FAAH2: variants seen among roughly 807,000 people sequenced by gnomAD.
The protein encoded by FAAH2 is fatty acid amide hydrolase 2.
In FAAH2, 60 loss-of-function variants were observed where a neutral mutation model predicts 36.9. The observed-to-expected ratio is 1.63, with a 90% CI of 1.32 to 2.02. The LOEUF (loss-of-function observed/expected upper bound fraction) is 2.02. Among genes scored for constraint, FAAH2 ranks in the 30% most tolerant of loss-of-function variants. The probability of loss-of-function intolerance (pLI) is 0.00; values close to 1 mark genes in which losing one functional copy is unlikely to be tolerated. For missense variants in FAAH2, 689 were observed against 397.5 expected (o/e 1.73, Z -6.23); for synonymous variants, 214 against 143.8 (o/e 1.49, Z -3.49).
intron 4 of FAAH2, among the ~76,000 whole-genome samples, chrX:57,334,195 G>A (rs1481001144): frequency 4.7e-5 from 5 of 107,458 alleles, no homozygotes; most frequent in Non-Finnish European, 7.7e-5. Flanking sequence ...GCTTGAACTC[G>A]AGAGGTGGAG....
At chrX:57,237,850 G>A in the FAAH2 span, among the ~76,000 whole-genome samples, 2 of 110,822 alleles carry the variant, frequency 1.8e-5, no homozygotes, top group Non-Finnish European at 3.8e-5. Context: ...GACATGAACA[G>A]ACACTTTTCA....
At chrX:57,137,187 G>A in the FAAH2 span, 31 of 759,470 alleles carry the variant, frequency 4.1e-5, no homozygotes, top group African/African-American at 6.5e-4. Flanking sequence ...CCATTCTGGC[G>A]CCCACTAATG....
At chrX:57,161,087 A>G in the FAAH2 span, among the ~76,000 whole-genome samples, 2 of 112,093 alleles carry the variant, frequency 1.8e-5, no homozygotes, top group African/African-American at 6.5e-5. Flanking sequence ...TTCAAAGAAC[A>G]TCTTTATTTC....
chrX:57,230,792 G>C, the FAAH2 span, among the ~76,000 whole-genome samples: 1 of 111,179 alleles, frequency 9.0e-6, no homozygotes, highest in South Asian at 3.7e-4. Context: ...CTTTTGGCTT[G>C]ACTTTGATTT....
At chrX:57,231,034 A>AATGTGTGTGT in the FAAH2 span, among the ~76,000 whole-genome samples, 1 of 94,459 alleles carries the variant, frequency 1.1e-5, no homozygotes, top group African/African-American at 4.0e-5. Flanking sequence ...CTCCAAAGGA[A>AATGTGTGTGT]GTGTGTGTGT....
chrX:57,232,254 T>A, the FAAH2 span, among the ~76,000 whole-genome samples: 1 of 111,639 alleles, frequency 9.0e-6, no homozygotes, highest in Admixed American at 9.5e-5. Flanking sequence ...GTTGTGTAGA[T>A]CATGAAGATT....
At chrX:57,253,490 A>G in the FAAH2 span, among the ~76,000 whole-genome samples, 37 of 111,801 alleles carry the variant, frequency 3.3e-4, no homozygotes, top group Non-Finnish European at 5.6e-5. Context: ...GGTAAAAATG[A>G]AGGAAAAAAT....
At chrX:57,186,652 A>G in the FAAH2 span, among the ~76,000 whole-genome samples, 1 of 111,690 alleles carries the variant, frequency 9.0e-6, no homozygotes, top group Non-Finnish European at 1.9e-5. Context: ...TTATTTGCTG[A>G]ATGATATTGC....
chrX:57,452,038 T>C (rs758624063), intron 10 of FAAH2: 47 of 287,093 alleles, frequency 1.6e-4, no homozygotes, highest in Non-Finnish European at 2.2e-4. Flanking sequence ...CTATATGTCA[T>C]AATAATTGGG....
intron 5 of FAAH2, among the ~76,000 whole-genome samples, chrX:57,374,260 T>C (rs2054617316): frequency 8.9e-6 from 1 of 111,848 alleles, no homozygotes; most frequent in African/African-American, 3.2e-5. Context: ...ATGATCATGG[T>C]ATTTTAATGG....
intron 2 of FAAH2, among the ~76,000 whole-genome samples, chrX:57,306,739 TAC>T (rs1569245219): frequency 1.4e-4 from 13 of 94,357 alleles, no homozygotes; most frequent in South Asian, 5.3e-4. Context: ...TGTATATATA[TAC>T]ACACACACTA....
chrX:57,193,737 G>T, the FAAH2 span, among the ~76,000 whole-genome samples: 1 of 111,866 alleles, frequency 8.9e-6, no homozygotes, highest in East Asian at 2.8e-4. Context: ...TTATTATGAA[G>T]GGAGATTGAA....
intron 7 of FAAH2, among the ~76,000 whole-genome samples, chrX:57,421,735 G>T (rs2056035000): frequency 8.9e-6 from 1 of 112,039 alleles, no homozygotes; most frequent in South Asian, 3.7e-4. Flanking sequence ...GTCCGTAGGA[G>T]TGAAAATGTG....
At chrX:57,342,566 A>T (rs1399940969) in intron 5 of FAAH2, among the ~76,000 whole-genome samples, 2 of 111,787 alleles carry the variant, frequency 1.8e-5, no homozygotes, top group Non-Finnish European at 3.8e-5. Flanking sequence ...TTAAAGAATT[A>T]CGCACAAAAA....
chrX:57,281,188 A>T, the FAAH2 span, among the ~76,000 whole-genome samples: 1 of 111,734 alleles, frequency 8.9e-6, no homozygotes, highest in Non-Finnish European at 1.9e-5. Context: ...GGATGTTACC[A>T]TTGGGGGAAA....
chrX:57,292,686 T>C, intron 2 of FAAH2, 106 bp downstream of exon 2: 2 of 594,664 alleles, frequency 3.4e-6, no homozygotes, highest in Non-Finnish European at 5.1e-6. Flanking sequence ...CTCTTTGTCC[T>C]TCCCTTGTTC....
chrX:57,201,431 T>TAA, the FAAH2 span, among the ~76,000 whole-genome samples: 46 of 100,187 alleles, frequency 4.6e-4, no homozygotes, highest in African/African-American at 1.5e-3. Context: ...TTTTACTCCA[T>TAA]AAAAAAAAAA....
At chrX:57,346,204 C>T (rs991809196) in intron 5 of FAAH2, among the ~76,000 whole-genome samples, 29 of 111,263 alleles carry the variant, frequency 2.6e-4, no homozygotes, top group African/African-American at 9.5e-4. Context: ...AAAGATCTGT[C>T]TAAGGCTGTC....
At chrX:57,323,558 T>A (rs550690758) in intron 3 of FAAH2, among the ~76,000 whole-genome samples, 2 of 112,048 alleles carry the variant, frequency 1.8e-5, no homozygotes, top group African/African-American at 6.5e-5. Flanking sequence ...TCATTGTGGT[T>A]TTGATTTGCA....
Sources: allele counts gnomAD v4.1 joint callset (sites outside exome capture counted in the v4.1 genomes callset), GRCh38; gene constraint gnomAD v4.1.1; transcripts MANE v1.5; gene names NCBI Gene and HGNC (gene_info 2026-07-23, HGNC 2026-07-21).